The following HMGCLL1 variants were observed in gnomAD, a reference collection of about 807,000 sequenced individuals.
The protein encoded by HMGCLL1 is 3-hydroxymethyl-3-methylglutaryl-CoA lyase, cytoplasmic.
A neutral mutation model predicts 39.1 loss-of-function variants in HMGCLL1; 36 were observed. The observed-to-expected ratio is 0.92, with a 90% CI of 0.71 to 1.22. The LOEUF is 1.22. HMGCLL1 is among the 50% of genes most tolerant of loss of function. The probability of loss-of-function intolerance (pLI) is 0.00; values close to 1 mark genes in which losing one functional copy is unlikely to be tolerated. For missense variants in HMGCLL1, 451 were observed against 416.5 expected, an observed-to-expected ratio of 1.08 and a Z score of -0.72; for synonymous variants, 149 against 144.0, an observed-to-expected ratio of 1.03 and a Z score of -0.25.
At chr6:55,530,086 T>C (rs3924938) in intron 3 of HMGCLL1, among the ~76,000 whole-genome samples, 98,804 of 147,316 alleles carry the variant, frequency 0.67, 33,483 homozygotes, top group Admixed American at 0.72. Context: ...GGGGGCGGGG[T>C]GTGGATGACT....
chr6:55,484,658 C>T (rs1470139251), intron 7 of HMGCLL1, among the ~76,000 whole-genome samples: 1 of 152,004 alleles, frequency 6.6e-6, no homozygotes, highest in Non-Finnish European at 1.5e-5. Flanking sequence ...ATTTTCTTTC[C>T]CTTTTAGACA....
intron 7 of HMGCLL1, among the ~76,000 whole-genome samples, chr6:55,465,373 T>G (rs923406909): frequency 6.6e-6 from 1 of 152,098 alleles, no homozygotes; most frequent in Admixed American, 6.6e-5. Context: ...GATTACTATA[T>G]GAAAATCAAA....
At chr6:55,640,946 C>A in the HMGCLL1 span, among the ~76,000 whole-genome samples, 2 of 151,498 alleles carry the variant, frequency 1.3e-5, no homozygotes, top group South Asian at 4.2e-4. Context: ...GTGTATAAAT[C>A]AAAACTTAAT....
At chr6:55,647,090 A>G in the HMGCLL1 span, among the ~76,000 whole-genome samples, 6 of 152,028 alleles carry the variant, frequency 3.9e-5, no homozygotes, top group Admixed American at 3.9e-4. Context: ...ATATATACTT[A>G]CAATCAATGT....
At chr6:55,491,938 AT>A (rs1304591313) in intron 7 of HMGCLL1, among the ~76,000 whole-genome samples, 1 of 152,020 alleles carries the variant, frequency 6.6e-6, no homozygotes, top group Admixed American at 6.6e-5. Context: ...TAAAAAAAAA[AT>A]AAAACCCAGG....
chr6:55,540,304 A>G (rs1306716657), intron 3 of HMGCLL1, among the ~76,000 whole-genome samples: 1 of 152,108 alleles, frequency 6.6e-6, no homozygotes, highest in Non-Finnish European at 1.5e-5. Context: ...TTATGGACTG[A>G]ATGTTTGCAC....
intron 7 of HMGCLL1, among the ~76,000 whole-genome samples, chr6:55,443,381 G>A (rs1763686340): frequency 6.6e-6 from 1 of 152,154 alleles, no homozygotes; most frequent in Admixed American, 6.6e-5. Flanking sequence ...TCTGGGATCT[G>A]GAATCCACGT....
chr6:55,612,905 T>C, the HMGCLL1 span, among the ~76,000 whole-genome samples: 72 of 152,176 alleles, frequency 4.7e-4, 1 homozygote, highest in South Asian at 0.012. Context: ...GATTTTATGA[T>C]AAAATCACAA....
intron 1 of HMGCLL1, chr6:55,563,803 C>T (rs1771081534): frequency 1.9e-6 from 2 of 1,068,466 alleles, no homozygotes; most frequent in African/African-American, 1.6e-5. Context: ...AGTTGTTAGG[C>T]TTCTCCTATT....
At chr6:55,651,085 C>T in the HMGCLL1 span, among the ~76,000 whole-genome samples, 1 of 152,048 alleles carries the variant, frequency 6.6e-6, no homozygotes, top group Non-Finnish European at 1.5e-5. Flanking sequence ...CTTTACTTTT[C>T]ACTCTGCTTT....
At position 55,518,976 on chromosome 6, in the gene HMGCLL1, G is replaced by A. The variant is rs527910756; in HGVS notation, c.298-2373C>T. On this transcript the variant is annotated intron_variant, in intron 3 of 8. Coordinates refer to ENST00000274901, the MANE Select transcript of HMGCLL1 (RefSeq NM_001042406.2). ...GCTGCAACACTGAAAAACCAATAGG[G>A]TTGGAAAAGAAAGACGGACGGTTGC... Among the ~76,000 whole-genome samples, 18 of 152,238 alleles carry A rather than the reference G, an allele frequency of 1.2e-4. 1 individual carries two copies. In the South Asian group the frequency reaches 3.7e-3, roughly 32 times the overall value.
At chr6:55,608,193 T>A in the HMGCLL1 span, among the ~76,000 whole-genome samples, 1 of 152,220 alleles carries the variant, frequency 6.6e-6, no homozygotes, top group African/African-American at 2.4e-5. Flanking sequence ...GCTACTACTT[T>A]TTCTGATCTT....
chr6:55,664,764 TG>T, the HMGCLL1 span, among the ~76,000 whole-genome samples: 1 of 151,650 alleles, frequency 6.6e-6, no homozygotes, highest in Non-Finnish European at 1.5e-5. Flanking sequence ...CTCAAAACTT[TG>T]CTAGGGCTAA....
chr6:55,671,538 C>T, the HMGCLL1 span, among the ~76,000 whole-genome samples: 1 of 151,870 alleles, frequency 6.6e-6, no homozygotes, highest in South Asian at 2.1e-4. Flanking sequence ...ACACTCCTCA[C>T]TCCTCTCCTA....
chr6:55,611,125 T>C, the HMGCLL1 span, among the ~76,000 whole-genome samples: 2 of 152,130 alleles, frequency 1.3e-5, no homozygotes, highest in Non-Finnish European at 2.9e-5. Flanking sequence ...ACCATAAAAC[T>C]ACAAGGAAAT....
At chr6:55,506,100 A>C (rs1219314675) in intron 5 of HMGCLL1, among the ~76,000 whole-genome samples, 1 of 151,660 alleles carries the variant, frequency 6.6e-6, no homozygotes, top group Non-Finnish European at 1.5e-5. Flanking sequence ...TTTCTACTAC[A>C]TCAGTTGAGC....
At chr6:55,624,417 A>G in the HMGCLL1 span, among the ~76,000 whole-genome samples, 1 of 152,274 alleles carries the variant, frequency 6.6e-6, no homozygotes, top group Middle Eastern at 3.4e-3. Context: ...CTTTTCCTCC[A>G]TTCCTGTCCA....
chr6:55,557,299 T>C (rs1770725626), intron 1 of HMGCLL1, among the ~76,000 whole-genome samples: 1 of 152,192 alleles, frequency 6.6e-6, no homozygotes, highest in Non-Finnish European at 1.5e-5. Flanking sequence ...CACTAACTTA[T>C]TTTGCTTTCC....
At chr6:55,542,189 C>T in intron 1 of HMGCLL1, 49 bp from the exon 2 acceptor site, 2 of 1,249,698 alleles carry the variant, frequency 1.6e-6, no homozygotes, top group Non-Finnish European at 2.3e-6. Context: ...TAGATTGTTA[C>T]ATTTGCTTAT....
Sources: gnomAD v4.1 joint callset for allele counts (sites outside exome capture counted in the v4.1 genomes callset) on GRCh38, gnomAD v4.1.1 for gene constraint, MANE v1.5 for transcripts, NCBI Gene and HGNC (gene_info 2026-07-23, HGNC 2026-07-21) for gene names.